CCSER2: variants seen among roughly 807,000 people sequenced by gnomAD.
The protein encoded by CCSER2 is serine-rich coiled-coil domain-containing protein 2.
CCSER2 carries 46 observed loss-of-function variants against 92.3 expected under a neutral mutation model. That is an observed-to-expected ratio of 0.50 (90% CI 0.39 to 0.64). CCSER2 has a LOEUF of 0.64. Ranked by LOEUF, CCSER2 falls within the 30% of genes least tolerant of loss-of-function variation. The pLI is 0.00. For synonymous variants in CCSER2, 433 were observed against 431.4 expected, an observed-to-expected ratio of 1.00 and a Z score of -0.04; for missense variants, 1,244 against 1,238.9, an observed-to-expected ratio of 1.00 and a Z score of -0.06.
chr10:84,373,182 A>G lies in CCSER2; in HGVS notation c.1418-437A>G, dbSNP rs1003096244. ...TGCATGTACAAACCCTTGATTGTCTATAGGTCTTCTAAAAGAGACTGCCGG... is the reference window on the plus strand; with the variant it reads ...TGCATGTACAAACCCTTGATTGTCTGTAGGTCTTCTAAAAGAGACTGCCGG... On this transcript the variant is annotated intron_variant, in intron 2 of 9. Transcript: ENST00000372088. Among the ~76,000 whole-genome samples the G allele has an allele frequency of 3.3e-5, 5 of 152,240 alleles. No individual in the cohort carries two copies. The East Asian group carries it at 5.8e-4, about 18-fold the overall frequency.
intron 4 of CCSER2, among the ~76,000 whole-genome samples, chr10:84,419,695 G>GA (rs1843046504): frequency 1.3e-5 from 2 of 152,048 alleles, no homozygotes; most frequent in South Asian, 4.2e-4. Flanking sequence ...TGCTGAAAAA[G>GA]AAAAAAATCA....
At chr10:84,449,020 A>G (rs1845101262) in intron 6 of CCSER2, among the ~76,000 whole-genome samples, 1 of 152,222 alleles carries the variant, frequency 6.6e-6, no homozygotes, top group South Asian at 2.1e-4. Context: ...GTTGTGGAAT[A>G]ATTGGGATAA....
intron 6 of CCSER2, among the ~76,000 whole-genome samples, chr10:84,451,589 AT>A (rs963675237): frequency 2.0e-5 from 3 of 152,198 alleles, no homozygotes; most frequent in African/African-American, 7.2e-5. Context: ...ATTAGTAGAA[AT>A]TAGGAATATC....
intron 4 of CCSER2, among the ~76,000 whole-genome samples, chr10:84,419,325 A>G (rs1843022596): frequency 6.6e-6 from 1 of 151,536 alleles, no homozygotes; most frequent in Non-Finnish European, 1.5e-5. Context: ...AAAGGAGCCC[A>G]TAAAATTAAA....
intron 8 of CCSER2, among the ~76,000 whole-genome samples, chr10:84,476,866 G>C (rs1391381936): frequency 2.0e-5 from 3 of 152,070 alleles, no homozygotes; most frequent in African/African-American, 7.2e-5. Flanking sequence ...AATCATTTGT[G>C]AACAGAAATG....
intron 1 of CCSER2, among the ~76,000 whole-genome samples, chr10:84,358,416 A>G (rs1270895774): frequency 1.3e-5 from 2 of 152,090 alleles, no homozygotes; most frequent in Admixed American, 1.3e-4. Flanking sequence ...CTTTGTAAGT[A>G]TATTTTTATA....
At chr10:84,359,573 G>A (rs1181757700) in intron 1 of CCSER2, among the ~76,000 whole-genome samples, 1 of 151,928 alleles carries the variant, frequency 6.6e-6, no homozygotes, top group Non-Finnish European at 1.5e-5. Flanking sequence ...GATCAGCCTT[G>A]GTCAGGGTAG....
Position 84,358,674 on chromosome 10 carries a change from G to GTA in CCSER2, c.-39-12329_-39-12328dup, listed in dbSNP as rs201368868. Among the ~76,000 whole-genome samples the GTA allele has an allele frequency of 1.1e-3, 163 of 146,392 alleles. 1 individual carries two copies. Among genetic ancestry groups the GTA allele is most frequent in the East Asian group, 3.0e-3 (15 of 5,080 alleles). ...TATATATATATACATATACATATAT[G>GTA]TATATATATATACACACACACACGT... On this transcript the variant is annotated intron_variant, in intron 1 of 9. Transcript: ENST00000372088.
At chr10:84,408,891 T>C (rs1842504746) in intron 3 of CCSER2, among the ~76,000 whole-genome samples, 1 of 152,176 alleles carries the variant, frequency 6.6e-6, no homozygotes, top group African/African-American at 2.4e-5. Flanking sequence ...TTGGGGGGAA[T>C]GAAATTACTT....
chr10:84,450,869 A>G (rs559188373), intron 6 of CCSER2, among the ~76,000 whole-genome samples: 1 of 152,382 alleles, frequency 6.6e-6, no homozygotes, highest in South Asian at 2.1e-4. Context: ...TAGGTGTTAT[A>G]AAAAGATTGT....
chr10:84,432,530 C>T (rs140465985), intron 5 of CCSER2, among the ~76,000 whole-genome samples: 202 of 152,282 alleles, frequency 1.3e-3, no homozygotes, highest in African/African-American at 4.5e-3. Flanking sequence ...AGCGTTAATT[C>T]GCTTAGAATA....
At chr10:84,391,448 G>A (rs1841514467) in intron 3 of CCSER2, 1 of 1,562,638 alleles carries the variant, frequency 6.4e-7, no homozygotes, top group Non-Finnish European at 8.8e-7. Context: ...TGCCCTGTTA[G>A]GTGACCTCAC....
At chr10:84,458,473 C>G (rs980682413) in intron 6 of CCSER2, among the ~76,000 whole-genome samples, 1 of 152,100 alleles carries the variant, frequency 6.6e-6, no homozygotes, top group South Asian at 2.1e-4. Context: ...GTGACTCTTC[C>G]AACTTTCTCT....
Position 84,515,390 on chromosome 10 carries a change from C to G in CCSER2, c.*1123C>G, listed in dbSNP as rs1564742871. 2 of 152,318 alleles carry G rather than the reference C, an allele frequency of 1.3e-5. No homozygotes were observed. The highest frequency in any genetic ancestry group is 3.9e-4 in the East Asian group (2 of 5,172). The allele number at this position is 152,318 out of a possible 1,614,324, so 9.4% of individuals were successfully genotyped here. ...AGAAAGCTGGAGTTCATAATATTCT[C>G]CCCCTCCCCCATCTCCAGTCTCCTA... On this transcript the variant is annotated 3_prime_UTR_variant, in exon 10 of 10. Transcript: ENST00000372088.
intron 1 of CCSER2, among the ~76,000 whole-genome samples, chr10:84,336,154 C>T (rs939968167): frequency 1.3e-5 from 2 of 152,114 alleles, no homozygotes; most frequent in African/African-American, 4.8e-5. Context: ...TTCTTGCAGT[C>T]ATGTTTTTCC....
At chr10:84,502,773 G>A (rs1347744501) in intron 9 of CCSER2, among the ~76,000 whole-genome samples, 1 of 152,136 alleles carries the variant, frequency 6.6e-6, no homozygotes. Flanking sequence ...ACAGCAGTTT[G>A]TTGTTTTTTA....
intron 4 of CCSER2, among the ~76,000 whole-genome samples, chr10:84,423,540 C>T (rs1470756997): frequency 2.0e-5 from 3 of 152,178 alleles, no homozygotes; most frequent in African/African-American, 4.8e-5. Flanking sequence ...CTGGCCTATT[C>T]GCCCGATTTG....
intron 1 of CCSER2, among the ~76,000 whole-genome samples, chr10:84,336,634 A>G (rs1843852230): frequency 6.6e-6 from 1 of 152,140 alleles, no homozygotes. Flanking sequence ...GCAGGCATTG[A>G]GGGGAAATGA....
At chr10:84,393,500 T>A (rs1841647075) in intron 3 of CCSER2, among the ~76,000 whole-genome samples, 2 of 152,140 alleles carry the variant, frequency 1.3e-5, no homozygotes, top group African/African-American at 4.8e-5. Flanking sequence ...ATCTTAAAGA[T>A]ATGTTTAAGT....
Sources: gnomAD v4.1 joint callset for allele counts (sites outside exome capture counted in the v4.1 genomes callset) on GRCh38, gnomAD v4.1.1 for gene constraint, MANE v1.5 for transcripts, NCBI Gene and HGNC (gene_info 2026-07-23, HGNC 2026-07-21) for gene names.